Variants in CADM2 observed in about 807,000 individuals in gnomAD.
CADM2 encodes the protein cell adhesion molecule 2, also known as immunoglobulin superfamily member 4D.
In CADM2, 12 loss-of-function variants were observed where a neutral mutation model predicts 49.8. The ratio of observed to expected loss-of-function variants is 0.24; its 90% CI spans 0.15 to 0.39. The LOEUF is 0.39. Ranked by LOEUF, CADM2 falls within the 10% of genes least tolerant of loss-of-function variation. The pLI is 1.00. For synonymous variants in CADM2, 214 were observed against 175.4 expected (o/e 1.22, Z -1.74); for missense variants, 378 against 492.3 (o/e 0.77, Z 2.20).
At chr3:85,383,503 C>CATATATATATATATATAT (rs1241135851) in intron 1 of CADM2, among the ~76,000 whole-genome samples, 22 of 109,234 alleles carry the variant, frequency 2.0e-4, no homozygotes, top group East Asian at 3.0e-4. Flanking sequence ...TACATAAAAC[C>CATATATATATATATATAT]ATATATATAT....
chr3:86,040,787 C>CA (rs1450095024), intron 8 of CADM2, among the ~76,000 whole-genome samples: 2 of 152,038 alleles, frequency 1.3e-5, no homozygotes, highest in African/African-American at 4.8e-5. Context: ...TTGTCAGATT[C>CA]ACAAAATTGA....
intron 1 of CADM2, among the ~76,000 whole-genome samples, chr3:85,056,611 G>A (rs374236061): frequency 9.2e-5 from 14 of 152,000 alleles, no homozygotes; most frequent in East Asian, 3.9e-4. Flanking sequence ...GCATTGTTTG[G>A]CCCTGAGCAA....
chr3:85,209,464 A>T (rs1270457914), intron 1 of CADM2, among the ~76,000 whole-genome samples: 1 of 152,126 alleles, frequency 6.6e-6, no homozygotes, highest in East Asian at 1.9e-4. Context: ...AGCCTTTTCC[A>T]TTTATGTACT....
Position 85,901,500 on chromosome 3 carries a change from G to A in CADM2, c.530-10873G>A, listed in dbSNP as rs577405476. ...AGTCATTATATAAAAAGTCTTCCAA[G>A]GTAATCTTCCAAGAGAATAACCAAT... On this transcript the variant is annotated intron_variant, in intron 5 of 9. Transcript: ENST00000383699. 1.1e-3 allele frequency among the ~76,000 whole-genome samples: 169 copies of A among 152,138 alleles called. 1 individual carries two copies. Among genetic ancestry groups the A allele is most frequent in the Non-Finnish European group, 1.9e-3 (126 of 67,994 alleles).
At chr3:85,307,035 G>A (rs893061600) in intron 1 of CADM2, among the ~76,000 whole-genome samples, 63 of 151,614 alleles carry the variant, frequency 4.2e-4, no homozygotes, top group African/African-American at 1.5e-3. Flanking sequence ...ATAAATGGAT[G>A]CATTATTGTG....
chr3:85,895,294 A>G (rs1715072320), intron 5 of CADM2, among the ~76,000 whole-genome samples: 1 of 152,214 alleles, frequency 6.6e-6, no homozygotes, highest in African/African-American at 2.4e-5. Context: ...ATAGAGTCAA[A>G]GGAGATCATT....
At chr3:85,321,094 A>ATATATG in intron 1 of CADM2, among the ~76,000 whole-genome samples, 1 of 28,570 alleles carries the variant, frequency 3.5e-5, no homozygotes, top group African/African-American at 1.1e-4. Context: ...ATATATACAT[A>ATATATG]TATATATATA....
At chr3:85,168,100 C>T (rs113700620) in intron 1 of CADM2, among the ~76,000 whole-genome samples, 10,464 of 152,098 alleles carry the variant, frequency 0.069, 1,205 homozygotes, top group African/African-American at 0.24. Context: ...CTGTTTCCCA[C>T]GCTAGAGTGC....
chr3:85,113,900 G>A (rs1459888057), intron 1 of CADM2, among the ~76,000 whole-genome samples: 1 of 152,052 alleles, frequency 6.6e-6, no homozygotes, highest in Non-Finnish European at 1.5e-5. Context: ...CTGTAAGTAA[G>A]CAGTGTGATG....
intron 1 of CADM2, among the ~76,000 whole-genome samples, chr3:85,033,320 A>C (rs1232819847): frequency 1.3e-5 from 2 of 152,162 alleles, no homozygotes; most frequent in African/African-American, 4.8e-5. Flanking sequence ...CTGAATGGGA[A>C]TTTAAAGTTT....
In CADM2 at chr3:85,807,499, CAAA is replaced by C. The variant is rs60644652; in HGVS notation, c.238+5320_238+5322del. 5.6e-4 allele frequency among the ~76,000 whole-genome samples: 46 copies of C among 82,220 alleles called. No homozygotes were observed. The East Asian group carries it at 0.01, about 18-fold the overall frequency. 53.9% of individuals were successfully genotyped at this position (82,220 alleles called of 152,430 possible). ...AGGCATCGAGAGTGAAACTCCGTCT[CAAA>C]AAAAAAAAAAAAAAAAGACAAAAAG... On this transcript the variant is annotated intron_variant, in intron 3 of 9. Transcript: ENST00000383699.
chr3:85,289,344 A>G (rs2043716456), intron 1 of CADM2, among the ~76,000 whole-genome samples: 1 of 152,226 alleles, frequency 6.6e-6, no homozygotes, highest in Admixed American at 6.5e-5. Context: ...AGAGACAGGA[A>G]TGTCAATGGG....
intron 1 of CADM2, among the ~76,000 whole-genome samples, chr3:85,431,613 TGAG>T (rs138906618): frequency 2.0e-3 from 296 of 151,294 alleles, no homozygotes; most frequent in Middle Eastern, 6.8e-3. Flanking sequence ...AAAAGGACCC[TGAG>T]GAGAAGGAAG....
At chr3:85,044,363 C>A (rs911049835) in intron 1 of CADM2, among the ~76,000 whole-genome samples, 4 of 152,120 alleles carry the variant, frequency 2.6e-5, no homozygotes, top group African/African-American at 9.7e-5. Context: ...AAATGCAATC[C>A]TCAAAGCAGT....
chr3:85,537,112 A>G (rs949145698), intron 1 of CADM2, among the ~76,000 whole-genome samples: 3 of 152,076 alleles, frequency 2.0e-5, no homozygotes, highest in African/African-American at 4.8e-5. Flanking sequence ...TTGAATCATT[A>G]TTTAACACAA....
intron 1 of CADM2, among the ~76,000 whole-genome samples, chr3:85,302,298 A>G (rs2044120955): frequency 6.6e-6 from 1 of 151,990 alleles, no homozygotes; most frequent in African/African-American, 2.4e-5. Flanking sequence ...TCTTTCCAGG[A>G]TACATCCCAG....
At chr3:85,889,449 C>T (rs144557443) in intron 5 of CADM2, among the ~76,000 whole-genome samples, 104 of 152,176 alleles carry the variant, frequency 6.8e-4, no homozygotes, top group African/African-American at 2.4e-3. Flanking sequence ...TGAAAATGTG[C>T]GTGTTTGCCA....
chr3:86,037,640 T>C (rs973577067), intron 8 of CADM2, among the ~76,000 whole-genome samples: 1 of 151,938 alleles, frequency 6.6e-6, no homozygotes, highest in Non-Finnish European at 1.5e-5. Context: ...GAACAATCAA[T>C]TATTATAAAG....
intron 6 of CADM2, among the ~76,000 whole-genome samples, chr3:85,926,815 A>T (rs1184323163): frequency 6.6e-6 from 1 of 152,368 alleles, no homozygotes; most frequent in East Asian, 1.9e-4. Context: ...TATGCAGATC[A>T]TATAGAGCCA....
Sources: allele counts gnomAD v4.1 joint callset (sites outside exome capture counted in the v4.1 genomes callset), GRCh38; gene constraint gnomAD v4.1.1; transcripts MANE v1.5; gene names NCBI Gene and HGNC (gene_info 2026-07-23, HGNC 2026-07-21).